ARHGAP23: variants seen among roughly 807,000 people sequenced by gnomAD.
ARHGAP23 encodes the protein rho GTPase-activating protein 23.
In ARHGAP23, 34 loss-of-function variants were observed where a neutral mutation model predicts 136.3. The observed-to-expected ratio is 0.25, with a 90% CI of 0.19 to 0.33. The LOEUF (loss-of-function observed/expected upper bound fraction) is 0.33. Among genes scored for constraint, ARHGAP23 ranks in the 10% least tolerant of loss-of-function variants. The pLI, the probability that ARHGAP23 is intolerant of heterozygous loss-of-function variation, is 1.00. For missense variants in ARHGAP23, 1,808 were observed against 2,139.0 expected, an observed-to-expected ratio of 0.85 and a Z score of 3.05; for synonymous variants, 832 against 920.5, an observed-to-expected ratio of 0.90 and a Z score of 1.74.
At chr17:38,420,317 C>G (rs1432691508) in intron 1 of ARHGAP23, among the ~76,000 whole-genome samples, 1 of 152,256 alleles carries the variant, frequency 6.6e-6, no homozygotes, top group Non-Finnish European at 1.5e-5. Context: ...TCCCAACCCC[C>G]ACTTGGGGTG....
In ARHGAP23 at chr17:38,466,224, A is replaced by C; in HGVS notation, c.541A>C (p.Ser181Arg). The change falls in exon 7 of 24, where the codon AGC becomes CGC. Residue 181 changes from serine to arginine, a missense_variant. Ser to Arg is a moderately radical substitution (Grantham distance 110, BLOSUM62 -1). Coordinates refer to ENST00000622683, the MANE Select transcript of ARHGAP23 (RefSeq NM_001199417.2). ...GNEPYSGEARSIPEPPPICYP... is the reference protein window; with the variant it reads ...GNEPYSGEARRIPEPPPICYP... ...CGAGCCGTATTCTGGAGAGGCCCGCAGCATCCCAGAGCCACCCCCGATCTG... is the reference window on the plus strand; with the variant it reads ...CGAGCCGTATTCTGGAGAGGCCCGCCGCATCCCAGAGCCACCCCCGATCTG... The C allele has an allele frequency of 6.5e-7, 1 of 1,543,364 alleles. No homozygotes were observed. Among genetic ancestry groups the C allele is most frequent in the Non-Finnish European group, 8.8e-7 (1 of 1,142,686 alleles).
chr17:38,510,650 C>G lies in ARHGAP23; in HGVS notation c.4154C>G (p.Ala1385Gly). Residue 1385 changes from alanine (A) to glycine (G), a missense_variant, in exon 24 of 24, where the codon GCC (alanine) becomes GGC (glycine). Coordinates refer to ENST00000622683, the MANE Select transcript of ARHGAP23 (RefSeq NM_001199417.2). This position sits in a 1 kb window ranked among gnomAD's most constrained non-coding sequence, Gnocchi z 4.6. ...RLRGTADDMLAVRLRRPLSPE... is the reference protein window; with the variant it reads ...RLRGTADDMLGVRLRRPLSPE... ...CGCGGCACGGCGGACGACATGCTCG[C>G]CGTGCGCCTGCGGCGGCCGCTGTCG... 2 of 1,374,234 alleles carry G rather than the reference C, an allele frequency of 1.5e-6. No homozygotes were observed. Among genetic ancestry groups the G allele is most frequent in the Non-Finnish European group, 1.9e-6 (2 of 1,072,888 alleles). 85.1% of individuals were successfully genotyped at this position (1,374,234 alleles called of 1,614,324 possible).
At chr17:38,462,998 CTCAGATCCAGGTGTTGGGGAGG>C in intron 4 of ARHGAP23, 57 bp downstream of exon 4, 1 of 1,539,770 alleles carries the variant, frequency 6.5e-7, no homozygotes, top group Non-Finnish European at 8.8e-7. Flanking sequence ...GGATTTTATT[CTCAGATCCAGGTGTTGGGGAGG>C]CTCCTGTCCC....
At chr17:38,473,807 G>A (rs1040539524) in intron 11 of ARHGAP23, among the ~76,000 whole-genome samples, 1 of 151,962 alleles carries the variant, frequency 6.6e-6, no homozygotes, top group African/African-American at 2.4e-5. Context: ...CCTGGGGAGA[G>A]GGGTGCTGGG....
At chr17:38,439,602 T>G (rs917720916) in intron 1 of ARHGAP23, among the ~76,000 whole-genome samples, 1 of 152,194 alleles carries the variant, frequency 6.6e-6, no homozygotes, top group African/African-American at 2.4e-5. Flanking sequence ...GCTGAGCACT[T>G]TACACACACC....
upstream of ARHGAP23, among the ~76,000 whole-genome samples, chr17:38,427,621 G>A (rs2038588594): frequency 6.6e-6 from 1 of 152,218 alleles, no homozygotes; most frequent in Admixed American, 6.5e-5. Flanking sequence ...AAGGGTGGCT[G>A]TGGGGTGCTG....
At chr17:38,432,162 G>A (rs1305863896) in intron 1 of ARHGAP23, among the ~76,000 whole-genome samples, 7 of 152,292 alleles carry the variant, frequency 4.6e-5, no homozygotes, top group Non-Finnish European at 8.8e-5. Context: ...ATTTGAGGCC[G>A]AGAAAAATGA....
In ARHGAP23 at chr17:38,466,973, C is replaced by T. The variant is rs1347432237; in HGVS notation, c.1290C>T (p.Thr430=). 7.7e-6 allele frequency: 12 copies of T among 1,550,534 alleles called. No individual in the cohort carries two copies. Among genetic ancestry groups the T allele is most frequent in the East Asian group, 4.9e-5 (2 of 40,920 alleles). ...RSYSPSFQRR[T]GLLHALSFRD... ...ACAGCCCATCATTCCAGCGCCGGAC[C>T]GGCCTCCTCCATGCGCTCTCCTTCC... Residue 430 remains threonine, a synonymous_variant, in exon 7 of 24, where the codon ACC becomes ACT. Coordinates refer to ENST00000622683, the MANE Select transcript of ARHGAP23 (RefSeq NM_001199417.2).
rs201335737 is a variant in ARHGAP23, at chr17:38,495,426, T to C, written c.3277-2359T>C. Among the ~76,000 whole-genome samples the C allele has an allele frequency of 2.6e-4, 40 of 152,050 alleles. No individual in the cohort carries two copies. In the East Asian group the frequency reaches 5.4e-3, roughly 21 times the overall value. ...TTTTGTATTTTTAGTAGAGCTGGGGTTTCACCCTGTTGGCCAGGCTGGTCT... is the reference window on the plus strand; with the variant it reads ...TTTTGTATTTTTAGTAGAGCTGGGGCTTCACCCTGTTGGCCAGGCTGGTCT... On this transcript the variant is annotated intron_variant, in intron 20 of 23. Transcript: ENST00000622683.
chr17:38,507,233 C>CACCT (rs1339753779), intron 23 of ARHGAP23, among the ~76,000 whole-genome samples: 2 of 151,058 alleles, frequency 1.3e-5, no homozygotes, highest in Non-Finnish European at 2.9e-5. Context: ...GAGATTGCGC[C>CACCT]ACCTACACTC....
chr17:38,510,741 T>C lies in ARHGAP23; in HGVS notation c.4245T>C (p.Thr1415=). ...CCGTGGTGGTGCAGAGCCCGCTGAC[T>C]GACCTCAACTTCAACGAGTGGAAGG... ...RHTVVVQSPL[T]DLNFNEWKEL... is the part of the protein sequence containing the mutation. Residue 1415 remains threonine, a synonymous_variant, in exon 24 of 24, where the codon ACT becomes ACC. Coordinates refer to ENST00000622683, the MANE Select transcript of ARHGAP23 (RefSeq NM_001199417.2). This position sits in a 1 kb window ranked among gnomAD's most constrained non-coding sequence, Gnocchi z 4.6. The C allele has an allele frequency of 6.8e-7, 1 of 1,479,964 alleles. No homozygotes were observed. The highest frequency in any genetic ancestry group is 2.0e-4 in the Middle Eastern group (1 of 4,980). 91.7% of individuals were successfully genotyped at this position (1,479,964 alleles called of 1,614,324 possible). A position where few individuals can be genotyped will look rare whatever the true frequency, so the allele number is the denominator to read the frequency against.
intron 4 of ARHGAP23, 68 bp from the exon 5 acceptor site, chr17:38,463,050 G>A: frequency 5.9e-6 from 9 of 1,536,602 alleles, no homozygotes; most frequent in Non-Finnish European, 7.0e-6. Flanking sequence ...AGCCATGCCT[G>A]GTACAGGGGT....
chr17:38,422,195 A>G (rs2038526524), intron 1 of ARHGAP23, among the ~76,000 whole-genome samples: 1 of 152,220 alleles, frequency 6.6e-6, no homozygotes, highest in Admixed American at 6.5e-5. Context: ...TGGACAAGCT[A>G]CTTAGCCTCT....
intron 16 of ARHGAP23, among the ~76,000 whole-genome samples, chr17:38,484,775 G>A (rs1597824873): frequency 6.6e-6 from 1 of 152,322 alleles, no homozygotes; most frequent in African/African-American, 2.4e-5. Flanking sequence ...TATTGGGTGT[G>A]TTGTTTTGTC....
intron 11 of ARHGAP23, among the ~76,000 whole-genome samples, chr17:38,473,715 G>C (rs1393846561): frequency 2.6e-5 from 4 of 151,992 alleles, no homozygotes; most frequent in African/African-American, 9.7e-5. Flanking sequence ...GGTATCCAGA[G>C]GCTGAGACAC....
intron 6 of ARHGAP23, among the ~76,000 whole-genome samples, chr17:38,464,845 G>A (rs985903468): frequency 9.8e-5 from 15 of 152,316 alleles, no homozygotes; most frequent in Non-Finnish European, 1.9e-4. Flanking sequence ...TCTGCCAGCC[G>A]GAGGGTGGGG....
intron 1 of ARHGAP23, among the ~76,000 whole-genome samples, chr17:38,455,135 G>A (rs1374104316): frequency 6.6e-6 from 1 of 152,218 alleles, no homozygotes; most frequent in Non-Finnish European, 1.5e-5. Context: ...CCCACCTCAA[G>A]ATGAGAACAA....
chr17:38,431,921 G>T lies in ARHGAP23; in HGVS notation c.63+3373G>T, dbSNP rs572126270. 2.6e-5 allele frequency among the ~76,000 whole-genome samples: 4 copies of T among 152,338 alleles called. No homozygotes were observed. In the South Asian group the frequency reaches 8.3e-4, roughly 32 times the overall value. ...GGTTCATGGACTGGGCTCCAAGAGG[G>T]AGAGGGGAGGGCAGGGAGCTGCAGG... On this transcript the variant is annotated intron_variant, in intron 1 of 23. Transcript: ENST00000622683.
intron 2 of ARHGAP23, among the ~76,000 whole-genome samples, chr17:38,459,553 C>T (rs1567792315): frequency 6.6e-6 from 1 of 152,088 alleles, no homozygotes. Context: ...TTCACTCTTT[C>T]CCCAGAATGC....
Sources: gnomAD v4.1 joint callset for allele counts (sites outside exome capture counted in the v4.1 genomes callset) on GRCh38, gnomAD v4.1.1 for gene constraint, Gnocchi (gnomAD v3.1) non-coding constraint, MANE v1.5 for transcripts, NCBI Gene and HGNC (gene_info 2026-07-23, HGNC 2026-07-21) for gene names.